RMP24: variants seen among roughly 807,000 people sequenced by gnomAD.
RMP24 encodes the protein ribonuclease MRP protein subunit p24.
chr18:35,976,341 C>G, the RMP24 span, among the ~76,000 whole-genome samples: 31 of 151,818 alleles, frequency 2.0e-4, no homozygotes, highest in African/African-American at 7.0e-4. Context: ...TATACAGCCT[C>G]CTTCCAAAAA....
At chr18:35,972,736 AG>A in the RMP24 span, 1 of 1,611,520 alleles carries the variant, frequency 6.2e-7, no homozygotes, top group African/African-American at 1.3e-5. Context: ...GCGATGAGAC[AG>A]AAGCACTACC....
chr18:35,972,699 C>T, the RMP24 span: 45 of 1,587,828 alleles, frequency 2.8e-5, no homozygotes, highest in Admixed American at 4.7e-4. Context: ...ACCTGGTTCC[C>T]GCGGCGAGCC....
At chr18:35,977,556 T>C in the RMP24 span, 5 of 1,613,976 alleles carry the variant, frequency 3.1e-6, no homozygotes, top group Admixed American at 3.3e-5. Context: ...ACCCAAATCA[T>C]GACATGTCTG....
chr18:35,974,858 G>T, the RMP24 span: 1 of 1,561,896 alleles, frequency 6.4e-7, no homozygotes, highest in South Asian at 1.2e-5. Flanking sequence ...AAAATATTCT[G>T]ATTTGCTGAA....
the RMP24 span, chr18:35,972,907 G>A: frequency 6.2e-6 from 10 of 1,614,146 alleles, no homozygotes; most frequent in Non-Finnish European, 8.5e-6. Flanking sequence ...TTCGTCGCAC[G>A]GTAAGAAGAA....
the RMP24 span, chr18:35,978,900 A>G: frequency 1.9e-6 from 3 of 1,613,404 alleles, no homozygotes; most frequent in South Asian, 2.2e-5. Flanking sequence ...ACAAAGAAAC[A>G]CTTCTCTCAA....
At chr18:35,975,208 G>T in the RMP24 span, 1 of 817,888 alleles carries the variant, frequency 1.2e-6, no homozygotes, top group South Asian at 1.9e-5. Flanking sequence ...TAGTATATTT[G>T]GATTATCAAA....
chr18:35,977,400 T>C, the RMP24 span: 7 of 1,599,284 alleles, frequency 4.4e-6, no homozygotes, highest in Non-Finnish European at 6.0e-6. Flanking sequence ...ATTTCTTATT[T>C]TTATGGTAGT....
At chr18:35,976,495 A>T in the RMP24 span, among the ~76,000 whole-genome samples, 2 of 152,134 alleles carry the variant, frequency 1.3e-5, no homozygotes, top group Non-Finnish European at 2.9e-5. Context: ...AGTCAATTAG[A>T]TATGTAGAAG....
chr18:35,978,596 G>A, the RMP24 span, among the ~76,000 whole-genome samples: 1 of 152,168 alleles, frequency 6.6e-6, no homozygotes, highest in Non-Finnish European at 1.5e-5. Context: ...GGGCGACAGA[G>A]CGAGACTCCG....
the RMP24 span, chr18:35,979,039 T>C: frequency 6.5e-7 from 1 of 1,535,630 alleles, no homozygotes; most frequent in African/African-American, 1.4e-5. Context: ...AAACTAAAGT[T>C]GGTAAAACAA....
At chr18:35,977,551 A>G in the RMP24 span, 1 of 1,614,126 alleles carries the variant, frequency 6.2e-7, no homozygotes, top group African/African-American at 1.3e-5. Flanking sequence ...TGCAAACCCA[A>G]ATCATGACAT....
chr18:35,974,507 AT>A, the RMP24 span, among the ~76,000 whole-genome samples: 1 of 152,218 alleles, frequency 6.6e-6, no homozygotes, highest in African/African-American at 2.4e-5. Flanking sequence ...TGTGCTAATT[AT>A]TTAAAAAAAG....
the RMP24 span, among the ~76,000 whole-genome samples, chr18:35,976,729 A>G: frequency 3.4e-3 from 514 of 152,290 alleles, 2 homozygotes; most frequent in African/African-American, 0.012. Flanking sequence ...AGAGGCTTGA[A>G]GTTCATCTGC....
At chr18:35,974,123 CA>C in the RMP24 span, among the ~76,000 whole-genome samples, 1 of 152,234 alleles carries the variant, frequency 6.6e-6, no homozygotes, top group Non-Finnish European at 1.5e-5. Flanking sequence ...TCTTGCCTCA[CA>C]TATCTGCTTT....
chr18:35,975,793 C>T, the RMP24 span, among the ~76,000 whole-genome samples: 1 of 152,106 alleles, frequency 6.6e-6, no homozygotes, highest in Non-Finnish European at 1.5e-5. Context: ...TTATGTCTGG[C>T]CTAAGACTAT....
the RMP24 span, among the ~76,000 whole-genome samples, chr18:35,975,672 C>G: frequency 2.6e-5 from 4 of 152,140 alleles, no homozygotes; most frequent in South Asian, 8.3e-4. Flanking sequence ...TATATGGAGG[C>G]CAGTAGCAAA....
chr18:35,977,221 C>CAA, the RMP24 span, among the ~76,000 whole-genome samples: 1 of 140,298 alleles, frequency 7.1e-6, no homozygotes, highest in Non-Finnish European at 1.6e-5. Context: ...GACTCCGTCT[C>CAA]AAAAAAAAAA....
At chr18:35,979,082 T>C in the RMP24 span, 2 of 1,367,930 alleles carry the variant, frequency 1.5e-6, no homozygotes, top group Non-Finnish European at 2.0e-6. Flanking sequence ...TTTGAATACA[T>C]GGAAACTAGA....
Sources: allele counts gnomAD v4.1 joint callset (sites outside exome capture counted in the v4.1 genomes callset), GRCh38; gene constraint gnomAD v4.1.1; transcripts MANE v1.5; gene names NCBI Gene and HGNC (gene_info 2026-07-23, HGNC 2026-07-21).